The following STK31 variants were observed in gnomAD, a reference collection of about 807,000 sequenced individuals.
STK31 encodes the protein serine/threonine kinase 31.
Under a neutral mutation model 129.7 loss-of-function variants are expected in STK31, and 89 were observed. The observed-to-expected ratio is 0.69, with a 90% CI of 0.58 to 0.82. STK31 has a LOEUF of 0.82. STK31 is among the 40% of genes least tolerant of loss of function. The pLI, the probability that STK31 is intolerant of heterozygous loss-of-function variation, is 0.00. For missense variants in STK31, 1,187 were observed against 1,176.4 expected (o/e 1.01, Z -0.13); for synonymous variants, 448 against 395.3 (o/e 1.13, Z -1.58).
At chr7:23,793,204 G>A (rs1791747232) in intron 22 of STK31, among the ~76,000 whole-genome samples, 1 of 152,216 alleles carries the variant, frequency 6.6e-6, no homozygotes, top group South Asian at 2.1e-4. Context: ...CATATGTAGA[G>A]AATAAATTTT....
intron 10 of STK31, among the ~76,000 whole-genome samples, chr7:23,759,859 T>C (rs987394970): frequency 2.6e-5 from 4 of 152,176 alleles, no homozygotes; most frequent in Middle Eastern, 3.2e-3. Flanking sequence ...AAGCTATACC[T>C]ATGGAGTTGT....
At chr7:23,785,712 A>G in intron 18 of STK31, 109 bp downstream of exon 18, 1 of 1,379,024 alleles carries the variant, frequency 7.3e-7, no homozygotes, top group South Asian at 1.6e-5. Flanking sequence ...TAAAGTGTAT[A>G]AGTTGACTGG....
In STK31 at chr7:23,754,482, G is replaced by T; in HGVS notation, c.1293+8G>T. On this transcript the variant is annotated splice_region_variant and intron_variant, in intron 10 of 23. Transcript: ENST00000355870. ...AAAACTTGTGAATATGTGGTGAGTT[G>T]GGAATTTTTCTCTATTGTGGTTTTT... 1 of 1,602,390 alleles carries T rather than the reference G, an allele frequency of 6.2e-7. No individual in the cohort carries two copies. Among genetic ancestry groups the T allele is most frequent in the South Asian group, 1.1e-5 (1 of 87,888 alleles).
chr7:23,725,593 A>T (rs1168170505), intron 4 of STK31, among the ~76,000 whole-genome samples: 2 of 152,056 alleles, frequency 1.3e-5, no homozygotes, highest in Non-Finnish European at 2.9e-5. Flanking sequence ...TCCCAATCCA[A>T]TCATGGCTTA....
At chr7:23,831,840 A>G (rs1226293312) in intron 23 of STK31, among the ~76,000 whole-genome samples, 3 of 152,148 alleles carry the variant, frequency 2.0e-5, no homozygotes, top group Non-Finnish European at 2.9e-5. Context: ...TGGCCAGGCT[A>G]GTCTTGAACT....
intron 23 of STK31, among the ~76,000 whole-genome samples, chr7:23,823,697 C>T (rs1379677928): frequency 1.3e-5 from 2 of 152,150 alleles, no homozygotes; most frequent in Non-Finnish European, 2.9e-5. Context: ...AATGGTATTG[C>T]CTAGTTATTC....
chr7:23,783,685 A>G, intron 17 of STK31, 22 bp downstream of exon 17: 1 of 1,571,032 alleles, frequency 6.4e-7, no homozygotes, highest in Middle Eastern at 1.7e-4. Flanking sequence ...TTCCCTTGCG[A>G]ATTACTACTC....
intron 4 of STK31, chr7:23,725,805 A>G (rs1233269011): frequency 6.6e-6 from 1 of 152,240 alleles, no homozygotes; most frequent in African/African-American, 2.4e-5. Flanking sequence ...ACATTAAAAT[A>G]GTATGATTTT....
chr7:23,712,058 A>G (rs752778920), intron 1 of STK31, 41 bp from the exon 2 acceptor site: 6 of 1,498,136 alleles, frequency 4.0e-6, no homozygotes, highest in Non-Finnish European at 5.5e-6. Context: ...ATTCATTATT[A>G]ATGGTGGATT....
intron 23 of STK31, among the ~76,000 whole-genome samples, chr7:23,826,655 T>C (rs1404993287): frequency 6.6e-6 from 1 of 152,178 alleles, no homozygotes; most frequent in Non-Finnish European, 1.5e-5. Flanking sequence ...TGTTAGCTGG[T>C]TATTTTGCTT....
chr7:23,761,358 G>T (rs1159894991), intron 10 of STK31, among the ~76,000 whole-genome samples: 1 of 151,180 alleles, frequency 6.6e-6, no homozygotes, highest in Non-Finnish European at 1.5e-5. Flanking sequence ...TTTTGGTTTA[G>T]AATTGATAAC....
intron 5 of STK31, among the ~76,000 whole-genome samples, chr7:23,727,870 C>G (rs1420707648): frequency 6.6e-6 from 1 of 151,788 alleles, no homozygotes; most frequent in Non-Finnish European, 1.5e-5. Context: ...TGCCTCAGAT[C>G]TTAATAATTA....
At chr7:23,732,037 G>A (rs1278886320) in intron 6 of STK31, among the ~76,000 whole-genome samples, 2 of 152,108 alleles carry the variant, frequency 1.3e-5, no homozygotes, top group Non-Finnish European at 2.9e-5. Flanking sequence ...TGTCCAGTGC[G>A]GTGGCTCATG....
intron 23 of STK31, among the ~76,000 whole-genome samples, chr7:23,816,157 T>C (rs555473474): frequency 2.7e-4 from 41 of 152,266 alleles, no homozygotes; most frequent in Non-Finnish European, 2.9e-5. Context: ...CAGACAACTT[T>C]TGTGAGATTA....
intron 23 of STK31, among the ~76,000 whole-genome samples, chr7:23,827,181 C>G (rs1183083432): frequency 6.6e-6 from 1 of 152,210 alleles, no homozygotes; most frequent in Non-Finnish European, 1.5e-5. Context: ...GGATAATATG[C>G]TGAAGAGTGT....
chr7:23,782,983 T>C (rs1348234667), intron 16 of STK31, among the ~76,000 whole-genome samples: 2 of 151,790 alleles, frequency 1.3e-5, no homozygotes, highest in Non-Finnish European at 2.9e-5. Context: ...GTAGTTTAGA[T>C]GGGTTAAAAA....
intron 22 of STK31, among the ~76,000 whole-genome samples, chr7:23,806,576 T>C (rs527250918): frequency 5.3e-5 from 8 of 152,232 alleles, no homozygotes; most frequent in African/African-American, 1.9e-4. Context: ...ATAGAACTCA[T>C]TATTGTAGAA....
chr7:23,827,512 A>G (rs1430106174), intron 23 of STK31, among the ~76,000 whole-genome samples: 1 of 151,860 alleles, frequency 6.6e-6, no homozygotes. Context: ...TTTTTTTCAA[A>G]GTTTTTAACT....
intron 23 of STK31, among the ~76,000 whole-genome samples, chr7:23,830,441 G>A (rs1794471798): frequency 6.6e-6 from 1 of 151,806 alleles, no homozygotes; most frequent in Non-Finnish European, 1.5e-5. Flanking sequence ...TTGTTATGTT[G>A]CTTTGATTTT....
Sources: allele counts gnomAD v4.1 joint callset (sites outside exome capture counted in the v4.1 genomes callset), GRCh38; gene constraint gnomAD v4.1.1; transcripts MANE v1.5; gene names NCBI Gene and HGNC (gene_info 2026-07-23, HGNC 2026-07-21).